The following NKAIN2 variants were observed in gnomAD, a reference collection of about 807,000 sequenced individuals.
The protein encoded by NKAIN2 is sodium/potassium-transporting ATPase subunit beta-1-interacting protein 2.
NKAIN2 carries 14 observed loss-of-function variants against 32.6 expected under a neutral mutation model. That is an observed-to-expected ratio of 0.43 (90% CI 0.28 to 0.67). The LOEUF is 0.67. Among genes scored for constraint, NKAIN2 ranks in the 30% least tolerant of loss-of-function variants. The probability of loss-of-function intolerance (pLI) is 0.17; values close to 1 mark genes in which losing one functional copy is unlikely to be tolerated. For missense variants in NKAIN2, 198 were observed against 258.3 expected, an observed-to-expected ratio of 0.77 and a Z score of 1.60; for synonymous variants, 80 against 87.2, an observed-to-expected ratio of 0.92 and a Z score of 0.46.
intron 6 of NKAIN2, chr6:124,819,180 A>T: frequency 5.0e-6 from 4 of 802,006 alleles, no homozygotes; most frequent in Non-Finnish European, 6.0e-6. Context: ...AGAAAGTAAG[A>T]TTCCAATTCA....
At chr6:123,887,001 G>A (rs766981142) in intron 1 of NKAIN2, among the ~76,000 whole-genome samples, 1 of 152,096 alleles carries the variant, frequency 6.6e-6, no homozygotes, top group African/African-American at 2.4e-5. Flanking sequence ...ATGAAAGTGA[G>A]CCCATATATT....
intron 1 of NKAIN2, among the ~76,000 whole-genome samples, chr6:123,914,173 CT>C (rs1775365833): frequency 6.6e-6 from 1 of 152,032 alleles, no homozygotes; most frequent in Non-Finnish European, 1.5e-5. Flanking sequence ...CAGTAACTGT[CT>C]TCTCACTATG....
At chr6:123,878,314 T>G (rs1773271728) in intron 1 of NKAIN2, among the ~76,000 whole-genome samples, 2 of 152,316 alleles carry the variant, frequency 1.3e-5, no homozygotes, top group African/African-American at 4.8e-5. Context: ...TTAAATAACT[T>G]TCATATGTAC....
intron 5 of NKAIN2, among the ~76,000 whole-genome samples, chr6:124,806,303 C>T (rs1395104609): frequency 6.6e-6 from 1 of 152,164 alleles, no homozygotes; most frequent in Non-Finnish European, 1.5e-5. Context: ...GGCAGAAACT[C>T]TACAAGCCAG....
intron 2 of NKAIN2, among the ~76,000 whole-genome samples, chr6:124,352,940 G>A (rs1032125772): frequency 4.6e-5 from 7 of 152,022 alleles, no homozygotes; most frequent in African/African-American, 1.7e-4. Flanking sequence ...ATTGAGCAAC[G>A]CACACATTAA....
At chr6:124,039,237 T>C (rs1363094925) in intron 1 of NKAIN2, among the ~76,000 whole-genome samples, 2 of 151,994 alleles carry the variant, frequency 1.3e-5, no homozygotes, top group Non-Finnish European at 2.9e-5. Context: ...GGTCAATACA[T>C]ATTGAAGGCC....
At chr6:123,814,658 C>T (rs1773617609) in intron 1 of NKAIN2, among the ~76,000 whole-genome samples, 1 of 152,114 alleles carries the variant, frequency 6.6e-6, no homozygotes, top group Admixed American at 6.5e-5. Context: ...ATATTTTTTC[C>T]CTTACATTGA....
chr6:124,776,641 G>A (rs1045037633), intron 4 of NKAIN2, among the ~76,000 whole-genome samples: 1 of 152,100 alleles, frequency 6.6e-6, no homozygotes, highest in Admixed American at 6.5e-5. Flanking sequence ...CTATAGTCTT[G>A]TATTCATCCA....
chr6:124,661,084 G>A, intron 4 of NKAIN2, among the ~76,000 whole-genome samples: 1 of 152,152 alleles, frequency 6.6e-6, no homozygotes, highest in East Asian at 1.9e-4. Flanking sequence ...AGAAGCAAAG[G>A]TGTCAGGACC....
At chr6:124,733,728 T>A (rs1208656043) in intron 4 of NKAIN2, among the ~76,000 whole-genome samples, 3 of 151,828 alleles carry the variant, frequency 2.0e-5, no homozygotes, top group Non-Finnish European at 2.9e-5. Flanking sequence ...CATATTTAGC[T>A]GAATATAGAT....
chr6:124,756,906 T>C (rs186641978), intron 4 of NKAIN2, among the ~76,000 whole-genome samples: 39 of 152,290 alleles, frequency 2.6e-4, no homozygotes, highest in African/African-American at 8.9e-4. Flanking sequence ...GACATTTGCT[T>C]TTATTTTAGT....
chr6:123,907,782 T>C (rs186324985), intron 1 of NKAIN2, among the ~76,000 whole-genome samples: 2 of 152,178 alleles, frequency 1.3e-5, no homozygotes, highest in Non-Finnish European at 2.9e-5. Context: ...TGGGCAAGAC[T>C]TTCCCCCCTT....
At chr6:124,264,659 A>G (rs1794405886) in intron 1 of NKAIN2, among the ~76,000 whole-genome samples, 1 of 152,204 alleles carries the variant, frequency 6.6e-6, no homozygotes, top group East Asian at 1.9e-4. Context: ...GTAGAAAAAG[A>G]TTGGACCCCC....
intron 5 of NKAIN2, among the ~76,000 whole-genome samples, chr6:124,805,592 C>A (rs1186759804): frequency 6.6e-6 from 1 of 152,232 alleles, no homozygotes; most frequent in Non-Finnish European, 1.5e-5. Flanking sequence ...CATCTCTCCT[C>A]CTCCAAAGGA....
chr6:124,463,911 A>G (rs967223438), intron 3 of NKAIN2, among the ~76,000 whole-genome samples: 5 of 152,124 alleles, frequency 3.3e-5, no homozygotes, highest in South Asian at 2.1e-4. Context: ...TAAAACGTCT[A>G]TTTAGCTATT....
chr6:124,616,278 A>AAAG (rs1782883920), intron 3 of NKAIN2, among the ~76,000 whole-genome samples: 1 of 151,934 alleles, frequency 6.6e-6, no homozygotes, highest in Non-Finnish European at 1.5e-5. Context: ...CATTTCACCT[A>AAAG]AAGTTTATAG....
chr6:124,422,212 A>G (rs990290551), intron 3 of NKAIN2, among the ~76,000 whole-genome samples: 1 of 152,102 alleles, frequency 6.6e-6, no homozygotes, highest in Non-Finnish European at 1.5e-5. Flanking sequence ...TTTCAATTGA[A>G]CTTTTTATAT....
At chr6:124,058,599 T>A (rs992301121) in intron 1 of NKAIN2, among the ~76,000 whole-genome samples, 1 of 152,078 alleles carries the variant, frequency 6.6e-6, no homozygotes, top group African/African-American at 2.4e-5. Context: ...TTACTTATAA[T>A]AGTCAACATC....
At chr6:124,401,700 A>G in intron 3 of NKAIN2, among the ~76,000 whole-genome samples, 1 of 151,816 alleles carries the variant, frequency 6.6e-6, no homozygotes, top group East Asian at 1.9e-4. Flanking sequence ...CCTTTTTTGT[A>G]TATTTTTTGG....
Sources: gnomAD v4.1 joint callset for allele counts (sites outside exome capture counted in the v4.1 genomes callset) on GRCh38, gnomAD v4.1.1 for gene constraint, MANE v1.5 for transcripts, NCBI Gene and HGNC (gene_info 2026-07-23, HGNC 2026-07-21) for gene names.